Variants in PLCH1 observed in about 807,000 individuals in gnomAD.
PLCH1 encodes 1-phosphatidylinositol 4,5-bisphosphate phosphodiesterase eta-1.
Under a neutral mutation model 126.7 loss-of-function variants are expected in PLCH1, and 60 were observed. The observed-to-expected ratio is 0.47, with a 90% CI of 0.38 to 0.59. The LOEUF is 0.59. Among genes scored for constraint, PLCH1 ranks in the 20% least tolerant of loss-of-function variants. PLCH1 has a pLI of 0.00. For synonymous variants in PLCH1, 719 were observed against 734.9 expected, an observed-to-expected ratio of 0.98 and a Z score of 0.35; for missense variants, 1,723 against 2,040.0, an observed-to-expected ratio of 0.84 and a Z score of 2.99.
At chr3:155,457,509 T>C (rs1712480861) in intron 21 of PLCH1, 1 of 152,218 alleles carries the variant, frequency 6.6e-6, no homozygotes, top group South Asian at 2.1e-4. Flanking sequence ...GCCTCTGTAG[T>C]TGGTCCTGCC....
At position 155,602,650 on chromosome 3, in the gene PLCH1, C is replaced by A. The variant is rs150020810; in HGVS notation, c.80-6272G>T. 4.2e-3 allele frequency among the ~76,000 whole-genome samples: 638 copies of A among 152,180 alleles called. 1 individual carries two copies. The highest frequency in any genetic ancestry group is 7.1e-3 in the Admixed American group (108 of 15,288). On this transcript the variant is annotated intron_variant, in intron 2 of 22. Coordinates refer to ENST00000460012, the MANE Select transcript of PLCH1 (RefSeq NM_014996.4). ...GTACAACATGCTACTGTACTGAATA[C>A]TATAGGCAATTGTAACATAATGGTA...
rs1298109447 is a variant in PLCH1 at position 155,621,413 on chromosome 3, G to C, written c.80-25035C>G. Among the ~76,000 whole-genome samples, 3 of 152,284 alleles carry C rather than the reference G, an allele frequency of 2.0e-5. No homozygotes were observed. In the East Asian group the frequency reaches 5.8e-4, roughly 29 times the overall value. ...ACAAAACTGGATGGAGAATGAGTTT[G>C]ACGAATTGACAGAAGTAGGCTTCAG... On this transcript the variant is annotated intron_variant, in intron 2 of 22. Transcript: ENST00000460012.
At position 155,511,706 on chromosome 3, in the gene PLCH1, C is replaced by G. The variant is rs1299907715; in HGVS notation, c.1632+3017G>C. Reference sequence around the variant, plus strand: ...GACCCACTTGAGGAGGCAGTCTGCCCGTTCTCAGATCTCCAGCTGCGTGCT... The same window carrying G: ...GACCCACTTGAGGAGGCAGTCTGCCGGTTCTCAGATCTCCAGCTGCGTGCT... On this transcript the variant is annotated intron_variant, in intron 12 of 22. Coordinates refer to ENST00000460012, the MANE Select transcript of PLCH1 (RefSeq NM_014996.4). Among the ~76,000 whole-genome samples, 277 of 142,594 alleles carry G rather than the reference C, an allele frequency of 1.9e-3. 3 individuals carry two copies. The highest frequency in any genetic ancestry group is 6.3e-3 in the African/African-American group (232 of 36,602). The allele number at this position is 142,594 out of a possible 152,430, so 93.5% of individuals were successfully genotyped here.
chr3:155,667,138 G>A (rs1742818076), intron 2 of PLCH1, among the ~76,000 whole-genome samples: 1 of 152,056 alleles, frequency 6.6e-6, no homozygotes, highest in Admixed American at 6.6e-5. Context: ...TTTAAATTGT[G>A]TGCCAGAGAA....
intron 21 of PLCH1, chr3:155,487,081 T>A (rs1249985430): frequency 2.0e-5 from 3 of 152,150 alleles, no homozygotes; most frequent in African/African-American, 7.2e-5. Flanking sequence ...TCCACGCCCT[T>A]GCTGACAGAT....
intron 8 of PLCH1, among the ~76,000 whole-genome samples, chr3:155,558,690 T>C (rs1168231294): frequency 1.3e-5 from 2 of 152,186 alleles, no homozygotes; most frequent in East Asian, 1.9e-4. Flanking sequence ...TGAGATTTCA[T>C]CACACTACTT....
At chr3:155,654,786 G>A (rs955844626) in intron 2 of PLCH1, among the ~76,000 whole-genome samples, 2 of 152,084 alleles carry the variant, frequency 1.3e-5, no homozygotes, top group African/African-American at 2.4e-5. Context: ...ATCCTCCATG[G>A]TGCAGTCTAA....
intron 10 of PLCH1, among the ~76,000 whole-genome samples, chr3:155,533,140 A>C (rs564422803): frequency 6.6e-6 from 1 of 152,366 alleles, no homozygotes; most frequent in African/African-American, 2.4e-5. Context: ...CCCCTGCCCT[A>C]GAGATCTGTG....
chr3:155,674,750 A>T (rs74902738), intron 2 of PLCH1, among the ~76,000 whole-genome samples: 2,752 of 152,304 alleles, frequency 0.018, 92 homozygotes, highest in African/African-American at 0.063. Flanking sequence ...GAAAGCTTAT[A>T]TGAGTAGGAA....
At chr3:155,719,689 T>TAAA (rs200614974) in intron 1 of PLCH1, among the ~76,000 whole-genome samples, 1 of 142,866 alleles carries the variant, frequency 7.0e-6, no homozygotes, top group Non-Finnish European at 1.5e-5. Context: ...TTTGTTTTAG[T>TAAA]AAAAAAAAAA....
At chr3:155,733,617 A>G (rs1043113107) in intron 1 of PLCH1, among the ~76,000 whole-genome samples, 1 of 152,218 alleles carries the variant, frequency 6.6e-6, no homozygotes, top group African/African-American at 2.4e-5. Context: ...TAAAACTACT[A>G]GAAGTAAACA....
chr3:155,472,050 T>C (rs1184775545), intron 21 of PLCH1, among the ~76,000 whole-genome samples: 1 of 152,108 alleles, frequency 6.6e-6, no homozygotes, highest in Non-Finnish European at 1.5e-5. Context: ...ATTCAAAAGC[T>C]AGCAGAAGGC....
intron 6 of PLCH1, among the ~76,000 whole-genome samples, chr3:155,571,545 C>T (rs1380023768): frequency 1.3e-5 from 2 of 152,118 alleles, no homozygotes; most frequent in Non-Finnish European, 2.9e-5. Context: ...GGATTACTGG[C>T]ACACGCCACC....
chr3:155,489,947 C>G (rs1351940850), intron 19 of PLCH1, among the ~76,000 whole-genome samples: 1 of 152,068 alleles, frequency 6.6e-6, no homozygotes, highest in Admixed American at 6.6e-5. Flanking sequence ...TTAGTGATGA[C>G]CTCTCAATTA....
At chr3:155,702,700 T>C (rs1343500200) in intron 2 of PLCH1, among the ~76,000 whole-genome samples, 1 of 152,240 alleles carries the variant, frequency 6.6e-6, no homozygotes, top group African/African-American at 2.4e-5. Flanking sequence ...CACTTAAATC[T>C]AAATTCTTTA....
chr3:155,740,025 A>G (rs1445030555), intron 1 of PLCH1, among the ~76,000 whole-genome samples: 1 of 152,184 alleles, frequency 6.6e-6, no homozygotes, highest in Non-Finnish European at 1.5e-5. Flanking sequence ...TAGATACCAA[A>G]TGAAAAACAG....
At chr3:155,522,837 C>A (rs1347289543) in intron 11 of PLCH1, among the ~76,000 whole-genome samples, 1 of 151,596 alleles carries the variant, frequency 6.6e-6, no homozygotes, top group African/African-American at 2.4e-5. Context: ...TGCTGTGTTA[C>A]TCTAGCAATC....
intron 11 of PLCH1, among the ~76,000 whole-genome samples, chr3:155,520,468 C>A (rs1469550850): frequency 6.6e-6 from 1 of 152,160 alleles, no homozygotes; most frequent in African/African-American, 2.4e-5. Flanking sequence ...TTTATGGGAT[C>A]AGCTTTACGT....
intron 2 of PLCH1, among the ~76,000 whole-genome samples, chr3:155,644,332 G>GTGA (rs1739753049): frequency 6.6e-6 from 1 of 152,144 alleles, no homozygotes. Flanking sequence ...GCCGAGTGTG[G>GTGA]TGATTCATGC....
Sources: allele counts gnomAD v4.1 joint callset (sites outside exome capture counted in the v4.1 genomes callset), GRCh38; gene constraint gnomAD v4.1.1; transcripts MANE v1.5; gene names NCBI Gene and HGNC (gene_info 2026-07-23, HGNC 2026-07-21).